The following NBAS variants were observed in gnomAD, a reference collection of about 807,000 sequenced individuals.
NBAS encodes NBAS subunit of NRZ tethering complex.
In NBAS, 219 loss-of-function variants were observed where a neutral mutation model predicts 302.5. The ratio of observed to expected loss-of-function variants is 0.72; its 90% CI spans 0.65 to 0.81. The LOEUF is 0.81. Among genes scored for constraint, NBAS ranks in the 30% least tolerant of loss-of-function variants. The probability of loss-of-function intolerance (pLI) is 0.00; values close to 1 mark genes in which losing one functional copy is unlikely to be tolerated. For missense variants in NBAS, 2,932 were observed against 2,841.6 expected (o/e 1.03, Z -0.72); for synonymous variants, 1,118 against 1,021.6 (o/e 1.09, Z -1.80).
At chr2:15,187,873 C>G (rs776323011) in intron 49 of NBAS, among the ~76,000 whole-genome samples, 1 of 152,190 alleles carries the variant, frequency 6.6e-6, no homozygotes, top group African/African-American at 2.4e-5. Context: ...CTTGGCAAAG[C>G]CTTTGTGTCT....
At chr2:15,501,469 T>C (rs1187592539) in intron 11 of NBAS, among the ~76,000 whole-genome samples, 1 of 152,096 alleles carries the variant, frequency 6.6e-6, no homozygotes, top group Non-Finnish European at 1.5e-5. Context: ...TATTATTTGC[T>C]GAGTATCTGC....
chr2:15,184,974 GC>G (rs1665009058), intron 50 of NBAS, among the ~76,000 whole-genome samples: 1 of 152,072 alleles, frequency 6.6e-6, no homozygotes, highest in South Asian at 2.1e-4. Flanking sequence ...AATTCTATAG[GC>G]CATTCTTGAA....
At chr2:15,448,842 G>T (rs1678874479) in intron 21 of NBAS, among the ~76,000 whole-genome samples, 1 of 152,140 alleles carries the variant, frequency 6.6e-6, no homozygotes, top group Admixed American at 6.6e-5. Context: ...ACTAAATATA[G>T]TGTGACAAAG....
At position 15,285,096 on chromosome 2, in the gene NBAS, T is replaced by A. The variant is rs564048415; in HGVS notation, c.5138+1977A>T. On this transcript the variant is annotated intron_variant, in intron 42 of 51. Coordinates refer to ENST00000281513, the MANE Select transcript of NBAS (RefSeq NM_015909.4). ...ATATTTTTAAATGCCAGTGTGTGTA[T>A]CATAAGAAATATTTATTTGAACATA... Among the ~76,000 whole-genome samples the A allele has an allele frequency of 3.3e-5, 5 of 152,340 alleles. No homozygotes were observed. In the South Asian group the frequency reaches 1.0e-3, roughly 32 times the overall value.
chr2:15,213,746 C>T (rs958313509), intron 48 of NBAS, among the ~76,000 whole-genome samples: 5 of 152,100 alleles, frequency 3.3e-5, no homozygotes, highest in Admixed American at 1.3e-4. Flanking sequence ...TTCTTTGGCC[C>T]CCAGTGATGC....
intron 48 of NBAS, among the ~76,000 whole-genome samples, chr2:15,213,415 T>G (rs1666511288): frequency 6.6e-6 from 1 of 152,248 alleles, no homozygotes; most frequent in Non-Finnish European, 1.5e-5. Context: ...GATGAAGCAA[T>G]GTTTTCTATT....
At chr2:15,145,452 G>T in the NBAS span, among the ~76,000 whole-genome samples, 6 of 151,576 alleles carry the variant, frequency 4.0e-5, no homozygotes, top group Non-Finnish European at 8.8e-5. Context: ...CCTAGTGTAT[G>T]GTGGGTGATT....
intron 22 of NBAS, among the ~76,000 whole-genome samples, chr2:15,426,214 C>G (rs926812983): frequency 6.6e-6 from 1 of 152,162 alleles, no homozygotes; most frequent in Non-Finnish European, 1.5e-5. Flanking sequence ...CCATTGTTTT[C>G]TAGTTTCTAG....
intron 21 of NBAS, among the ~76,000 whole-genome samples, chr2:15,431,667 T>G (rs1371393810): frequency 2.0e-5 from 3 of 152,148 alleles, no homozygotes; most frequent in Admixed American, 6.5e-5. Context: ...AGTTTGTTCA[T>G]GAAAAAAATG....
At chr2:15,360,649 CTTT>C (rs369254532) in intron 32 of NBAS, among the ~76,000 whole-genome samples, 4 of 123,274 alleles carry the variant, frequency 3.2e-5, no homozygotes, top group South Asian at 5.5e-4. Context: ...CATGACCAGC[CTTT>C]TTTTTTTTTT....
the NBAS span, among the ~76,000 whole-genome samples, chr2:14,812,573 C>T: frequency 1.3e-5 from 2 of 151,966 alleles, no homozygotes; most frequent in Non-Finnish European, 2.9e-5. Context: ...GCACTAGGAA[C>T]ATAATAGTGT....
chr2:14,969,939 G>T, the NBAS span, among the ~76,000 whole-genome samples: 1 of 152,076 alleles, frequency 6.6e-6, no homozygotes, highest in South Asian at 2.1e-4. Flanking sequence ...AACAACCATG[G>T]ACTCTCATCA....
chr2:15,117,198 C>T, the NBAS span, among the ~76,000 whole-genome samples: 4 of 152,278 alleles, frequency 2.6e-5, no homozygotes, highest in South Asian at 2.1e-4. Context: ...ATAAACCCGC[C>T]GTCCCCAGAC....
chr2:15,168,322 A>G (rs747577894), intron 51 of NBAS, among the ~76,000 whole-genome samples: 4 of 152,230 alleles, frequency 2.6e-5, no homozygotes, highest in Non-Finnish European at 5.9e-5. Context: ...TTCTGTGACA[A>G]GGAAGAAAGG....
At chr2:15,195,280 C>T (rs182917267) in intron 48 of NBAS, among the ~76,000 whole-genome samples, 45 of 152,244 alleles carry the variant, frequency 3.0e-4, no homozygotes, top group African/African-American at 1.0e-3. Context: ...CTAGGGCCTG[C>T]GTTAGTTTTA....
At chr2:15,247,717 T>C (rs1668164391) in intron 44 of NBAS, among the ~76,000 whole-genome samples, 1 of 151,058 alleles carries the variant, frequency 6.6e-6, no homozygotes, top group Admixed American at 6.6e-5. Flanking sequence ...TATATATCTA[T>C]ATATACCTCT....
chr2:15,394,384 T>C, intron 27 of NBAS, 35 bp from the exon 28 acceptor site: 5 of 1,608,528 alleles, frequency 3.1e-6, no homozygotes, highest in Non-Finnish European at 4.2e-6. Flanking sequence ...AATGTCTTGC[T>C]ACCAAACAAA....
intron 6 of NBAS, among the ~76,000 whole-genome samples, chr2:15,549,776 C>T (rs1664290939): frequency 6.6e-6 from 1 of 151,946 alleles, no homozygotes; most frequent in Non-Finnish European, 1.5e-5. Flanking sequence ...AATAAACAGG[C>T]TCCCAGGGCT....
At chr2:15,377,614 C>A (rs1674808754) in intron 30 of NBAS, among the ~76,000 whole-genome samples, 1 of 152,192 alleles carries the variant, frequency 6.6e-6, no homozygotes, top group South Asian at 2.1e-4. Flanking sequence ...TGCACATAGC[C>A]ATCTGGCCCT....
Sources: gnomAD v4.1 joint callset for allele counts (sites outside exome capture counted in the v4.1 genomes callset) on GRCh38, gnomAD v4.1.1 for gene constraint, MANE v1.5 for transcripts, NCBI Gene and HGNC (gene_info 2026-07-23, HGNC 2026-07-21) for gene names.